The following MCC variants were observed in gnomAD, a reference collection of about 807,000 sequenced individuals.
The protein encoded by MCC is colorectal mutant cancer protein.
Under a neutral mutation model 116.2 loss-of-function variants are expected in MCC, and 90 were observed. That is an observed-to-expected ratio of 0.77 (90% CI 0.65 to 0.92). The LOEUF (loss-of-function observed/expected upper bound fraction) is 0.92, where lower values mean the gene tolerates loss of function less well. MCC is among the 40% of genes least tolerant of loss of function. The pLI is 0.00. For missense variants in MCC, 1,516 were observed against 1,312.2 expected (o/e 1.16, Z -2.40); for synonymous variants, 578 against 510.5 (o/e 1.13, Z -1.78).
intron 3 of MCC, among the ~76,000 whole-genome samples, chr5:113,162,312 C>G (rs548003629): frequency 6.6e-6 from 1 of 152,184 alleles, no homozygotes; most frequent in Non-Finnish European, 1.5e-5. Flanking sequence ...ACAAAATACC[C>G]TGGACTTGAG....
In MCC at chr5:113,053,860, A is replaced by G. The variant is rs1209056890; in HGVS notation, c.2313T>C (p.Ala771=). The G allele has an allele frequency of 6.2e-7, 1 of 1,614,132 alleles. No homozygotes were observed. The change falls in exon 15 of 19, where the codon GCT becomes GCC. Residue 771 remains alanine (A), a synonymous_variant. Coordinates refer to ENST00000408903, the MANE Select transcript of MCC (RefSeq NM_001085377.2). ...DYIQQLKNDR[A]AVKLTMLELE... The stretch of plus-strand genomic sequence containing the variant: ...GCTCCAGCATGGTCAGCTTGACCGC[A>G]GCCCTGTCATTCTTGAGCTGCTGGA...
At chr5:113,175,618 C>T (rs1346165974) in intron 3 of MCC, among the ~76,000 whole-genome samples, 1 of 151,686 alleles carries the variant, frequency 6.6e-6, no homozygotes, top group African/African-American at 2.4e-5. Context: ...CTTTTGAAAG[C>T]CTTGTTTGAC....
At chr5:113,422,942 T>C (rs567544532) in intron 1 of MCC, among the ~76,000 whole-genome samples, 1 of 152,178 alleles carries the variant, frequency 6.6e-6, no homozygotes, top group Non-Finnish European at 1.5e-5. Flanking sequence ...TCCCCATGAC[T>C]CATGGATTCT....
At chr5:113,086,940 T>G (rs1163762028) in intron 8 of MCC, among the ~76,000 whole-genome samples, 2 of 152,248 alleles carry the variant, frequency 1.3e-5, no homozygotes, top group African/African-American at 4.8e-5. Context: ...GCATGTCTAG[T>G]AAGCTCGCAA....
At chr5:113,067,090 C>T (rs1753664643) in intron 13 of MCC, among the ~76,000 whole-genome samples, 1 of 152,212 alleles carries the variant, frequency 6.6e-6, no homozygotes, top group Admixed American at 6.5e-5. Flanking sequence ...GCAAATGCTG[C>T]CGCTTCCTAG....
At chr5:113,419,588 G>A (rs887039445) in intron 1 of MCC, among the ~76,000 whole-genome samples, 3 of 151,968 alleles carry the variant, frequency 2.0e-5, no homozygotes, top group Non-Finnish European at 1.5e-5. Flanking sequence ...TTTAAAAATG[G>A]TGAAATACAA....
intron 3 of MCC, among the ~76,000 whole-genome samples, chr5:113,196,178 A>G (rs1233708509): frequency 6.6e-6 from 1 of 152,170 alleles, no homozygotes; most frequent in African/African-American, 2.4e-5. Context: ...AGTAATGGGA[A>G]ATATCTTCAT....
At chr5:113,125,002 C>T (rs942543777) in intron 5 of MCC, among the ~76,000 whole-genome samples, 1 of 152,188 alleles carries the variant, frequency 6.6e-6, no homozygotes, top group African/African-American at 2.4e-5. Flanking sequence ...TGGAATAGCA[C>T]AGGCAAAGGC....
At chr5:113,435,798 G>C (rs1770839873) in intron 1 of MCC, 1 of 152,692 alleles carries the variant, frequency 6.5e-6, no homozygotes, top group African/African-American at 2.4e-5. Flanking sequence ...CCCAGCTCAC[G>C]GCCCTGGCTG....
At chr5:113,375,369 T>G (rs1210982405) in intron 2 of MCC, among the ~76,000 whole-genome samples, 1 of 152,246 alleles carries the variant, frequency 6.6e-6, no homozygotes, top group Non-Finnish European at 1.5e-5. Context: ...TCTATTTATA[T>G]GTTTTGTCTT....
rs113157191 is a variant in MCC at position 113,307,974 on chromosome 5, C to CT, written c.627+32544dup. On this transcript the variant is annotated intron_variant, in intron 3 of 18. Transcript: ENST00000408903. Reference sequence around the variant, plus strand: ...TCAGCTCCATTTGCCTGTCTAAATCCTTTTTTTTTTTTTCTAAAGACAGAG... The same window carrying CT: ...TCAGCTCCATTTGCCTGTCTAAATCCTTTTTTTTTTTTTTCTAAAGACAGAG... Among the ~76,000 whole-genome samples the CT allele has an allele frequency of 2.3e-3, 338 of 144,566 alleles. 2 individuals are homozygous for CT. Among genetic ancestry groups the CT allele is most frequent in the Admixed American group, 0.01 (151 of 14,400 alleles). The allele number at this position is 144,566 out of a possible 152,430, so 94.8% of individuals were successfully genotyped here.
chr5:113,488,173 C>A, intron 1 of MCC, 72 bp downstream of exon 1: 1 of 1,438,736 alleles, frequency 7.0e-7, no homozygotes, highest in Admixed American at 2.4e-5. Flanking sequence ...GGCGAGGGGG[C>A]AGAGCAGGGG....
intron 11 of MCC, among the ~76,000 whole-genome samples, chr5:113,077,409 A>C (rs1283935809): frequency 6.6e-6 from 1 of 152,234 alleles, no homozygotes; most frequent in Non-Finnish European, 1.5e-5. Context: ...GTTAGAAGGA[A>C]AGCACTCCTC....
At chr5:113,460,393 G>C (rs565051716) in intron 1 of MCC, among the ~76,000 whole-genome samples, 2 of 152,262 alleles carry the variant, frequency 1.3e-5, no homozygotes, top group South Asian at 2.1e-4. Context: ...ACTAATATTT[G>C]GATTAATACA....
chr5:113,090,692 A>T lies in MCC; in HGVS notation c.1399-5382T>A, dbSNP rs146882591. On this transcript the variant is annotated intron_variant, in intron 8 of 18. Coordinates refer to ENST00000408903, the MANE Select transcript of MCC (RefSeq NM_001085377.2). ...CTCTAATTCAGCTTTGGCAGAGAGC[A>T]GGAAGGACAAGAATGAGAACAGAGG... Among the ~76,000 whole-genome samples the T allele has an allele frequency of 1.5e-4, 23 of 152,356 alleles. No homozygotes were observed. The East Asian group carries it at 4.4e-3, about 29-fold the overall frequency.
chr5:113,247,578 T>A (rs1764624788), intron 3 of MCC, among the ~76,000 whole-genome samples: 3 of 152,072 alleles, frequency 2.0e-5, no homozygotes, highest in Admixed American at 2.0e-4. Flanking sequence ...GTCTTAAGGA[T>A]CACTCTGGAA....
chr5:113,055,800 C>T (rs1220622979), intron 14 of MCC, among the ~76,000 whole-genome samples: 1 of 152,200 alleles, frequency 6.6e-6, no homozygotes, highest in African/African-American at 2.4e-5. Flanking sequence ...ATGTGATTAC[C>T]ATTAAAATCA....
chr5:113,223,198 G>A (rs966709049), intron 3 of MCC, among the ~76,000 whole-genome samples: 1 of 152,198 alleles, frequency 6.6e-6, no homozygotes. Context: ...ATCATGCAAC[G>A]TCTCATGTGC....
chr5:113,034,454 C>G (rs1373282475), intron 17 of MCC, among the ~76,000 whole-genome samples: 1 of 152,166 alleles, frequency 6.6e-6, no homozygotes, highest in African/African-American at 2.4e-5. Context: ...AGCAGCGGTA[C>G]TCTGTGATTA....
Sources: gnomAD v4.1 joint callset for allele counts (sites outside exome capture counted in the v4.1 genomes callset) on GRCh38, gnomAD v4.1.1 for gene constraint, MANE v1.5 for transcripts, NCBI Gene and HGNC (gene_info 2026-07-23, HGNC 2026-07-21) for gene names.